Variants in ADAMTS16 observed in about 807,000 individuals in gnomAD.
The protein encoded by ADAMTS16 is ADAM metallopeptidase with thrombospondin type 1 motif 16.
In ADAMTS16, 94 loss-of-function variants were observed where a neutral mutation model predicts 145.8. That is an observed-to-expected ratio of 0.64 (90% CI 0.55 to 0.77). The LOEUF is 0.77. ADAMTS16 is among the 30% of genes least tolerant of loss of function. The pLI is 0.00. For missense variants in ADAMTS16, 1,585 were observed against 1,591.5 expected (o/e 1.00, Z 0.07); for synonymous variants, 659 against 604.3 (o/e 1.09, Z -1.33).
chr5:5,187,856 A>G, intron 6 of ADAMTS16, 48 bp downstream of exon 6: 1 of 1,217,076 alleles, frequency 8.2e-7, no homozygotes, highest in Non-Finnish European at 1.2e-6. Context: ...TAGAAAAATA[A>G]ATGCAAAATA....
intron 17 of ADAMTS16, 46 bp from the exon 18 acceptor site, chr5:5,262,611 G>A: frequency 6.3e-7 from 1 of 1,587,144 alleles, no homozygotes. Context: ...TTTTACTGTG[G>A]GGCATGCATG....
chr5:5,186,029 GCCCTCCATGTGT>G lies in ADAMTS16; in HGVS notation c.764-14_764-3del, dbSNP rs1285416061. The G allele has an allele frequency of 3.1e-6, 5 of 1,592,700 alleles. No individual in the cohort carries two copies. The African/African-American group carries it at 4.0e-5, about 13-fold the overall frequency. The stretch of plus-strand genomic sequence containing the variant: ...TTGTGTGTGACTTGTGCTTCCATTT[GCCCTCCATGTGT>G]CCCTCCATAGACATGCCCCAGCCTC... On this transcript the variant is annotated splice_polypyrimidine_tract_variant and intron_variant, in intron 4 of 22. Coordinates refer to ENST00000274181, the MANE Select transcript of ADAMTS16 (RefSeq NM_139056.4).
At chr5:5,243,303 C>A (rs1737352571) in intron 17 of ADAMTS16, among the ~76,000 whole-genome samples, 1 of 152,204 alleles carries the variant, frequency 6.6e-6, no homozygotes, top group South Asian at 2.1e-4. Flanking sequence ...AACATGACTA[C>A]CTTCTGCACA....
At chr5:5,300,099 T>C (rs1443744454) in intron 18 of ADAMTS16, among the ~76,000 whole-genome samples, 1 of 152,142 alleles carries the variant, frequency 6.6e-6, no homozygotes, top group Non-Finnish European at 1.5e-5. Context: ...AGTTGGAACG[T>C]CTTAAGATGG....
intron 3 of ADAMTS16, among the ~76,000 whole-genome samples, chr5:5,167,718 T>C (rs1734920783): frequency 6.6e-6 from 1 of 152,220 alleles, no homozygotes; most frequent in African/African-American, 2.4e-5. Context: ...CAAAGATGTG[T>C]TAATTACCCA....
Position 5,319,632 on chromosome 5 carries a change from C to T in ADAMTS16, c.*494C>T. On this transcript the variant is annotated 3_prime_UTR_variant, in exon 23 of 23. Transcript: ENST00000274181. Reference sequence around the variant, plus strand: ...AGTGACCAACTTCCTGGGTGGAGGTCAGGGGAGCTCCAGGAGGCTGCCCAG... The same window carrying T: ...AGTGACCAACTTCCTGGGTGGAGGTTAGGGGAGCTCCAGGAGGCTGCCCAG... The T allele has an allele frequency of 2.9e-6, 1 of 343,028 alleles. No homozygotes were observed. Among genetic ancestry groups the T allele is most frequent in the South Asian group, 2.3e-5 (1 of 43,150 alleles). 21.2% of individuals were successfully genotyped at this position (343,028 alleles called of 1,614,324 possible).
chr5:5,144,764 C>A (rs939942036), intron 2 of ADAMTS16, among the ~76,000 whole-genome samples: 9 of 152,206 alleles, frequency 5.9e-5, no homozygotes, highest in East Asian at 5.8e-4. Flanking sequence ...CTCCTGCCAC[C>A]TGTCCCACCC....
chr5:5,146,208 G>C lies in ADAMTS16; in HGVS notation c.254G>C (p.Arg85Pro). The C allele has an allele frequency of 6.2e-7, 1 of 1,614,178 alleles. No homozygotes were observed. The highest frequency in any genetic ancestry group is 8.5e-7 in the Non-Finnish European group (1 of 1,180,030). ...VSHEIMHHQR[R>P]RRAVPVSEVE... ...CATGAAATCATGCACCATCAGCGGC[G>C]GAGAAGAGCAGTGCCCGTGTCCGAG... Residue 85 changes from arginine (R) to proline (P), a missense_variant, in exon 3 of 23, where the codon CGG (arginine) becomes CCG (proline). This residue lies in a region of ADAMTS16 where 453 missense variants were observed against 412.1 expected (regional missense o/e 1.10). Coordinates refer to ENST00000274181, the MANE Select transcript of ADAMTS16 (RefSeq NM_139056.4).
At chr5:5,240,890 G>C (rs541905267) in intron 16 of ADAMTS16, among the ~76,000 whole-genome samples, 1 of 151,868 alleles carries the variant, frequency 6.6e-6, no homozygotes, top group East Asian at 1.9e-4. Flanking sequence ...CCTTGATCAC[G>C]TCTCCCACCA....
intron 18 of ADAMTS16, among the ~76,000 whole-genome samples, chr5:5,288,370 C>G (rs1231310830): frequency 6.6e-6 from 1 of 152,128 alleles, no homozygotes; most frequent in Non-Finnish European, 1.5e-5. Context: ...GTAGGCTTTC[C>G]CTAGAATGCC....
At chr5:5,252,376 A>C (rs115481386) in intron 17 of ADAMTS16, among the ~76,000 whole-genome samples, 2,868 of 152,272 alleles carry the variant, frequency 0.019, 76 homozygotes, top group African/African-American at 0.062. Flanking sequence ...TTTTAAGGAA[A>C]ACAATAATTC....
chr5:5,179,344 G>C (rs967619403), intron 3 of ADAMTS16, among the ~76,000 whole-genome samples: 1 of 151,958 alleles, frequency 6.6e-6, no homozygotes, highest in Non-Finnish European at 1.5e-5. Context: ...TCTTCTGAGG[G>C]GGGGTTTGAA....
At chr5:5,208,537 T>C (rs1736189879) in intron 9 of ADAMTS16, among the ~76,000 whole-genome samples, 1 of 152,180 alleles carries the variant, frequency 6.6e-6, no homozygotes, top group African/African-American at 2.4e-5. Flanking sequence ...TCTGCTTGAC[T>C]TGGGGGTCAT....
chr5:5,186,179 G>T lies in ADAMTS16; in HGVS notation c.891G>T (p.Val297=). ...AACTGAACGTGGAGACCTTGGTGGT[G>T]GTCGACAAAAAGATGATGCAAAACC... is the stretch of plus-strand genomic sequence containing the variant. ...NEELNVETLV[V]VDKKMMQNHG... is the part of the protein sequence containing the mutation. The change falls in exon 5 of 23, where the codon GTG becomes GTT. Residue 297 remains valine, a synonymous_variant. Coordinates refer to ENST00000274181, the MANE Select transcript of ADAMTS16 (RefSeq NM_139056.4). 6.2e-7 allele frequency: 1 copy of T among 1,613,198 alleles called. No individual in the cohort carries two copies. Among genetic ancestry groups the T allele is most frequent in the Non-Finnish European group, 8.5e-7 (1 of 1,179,802 alleles).
rs542776088 is a variant in ADAMTS16 at position 5,301,006 on chromosome 5, A to G, written c.2790-2262A>G. On this transcript the variant is annotated intron_variant, in intron 18 of 22. Coordinates refer to ENST00000274181, the MANE Select transcript of ADAMTS16 (RefSeq NM_139056.4). ...TTAGAGACACTCAAATGTGTTTATA[A>G]AGGCTTTGAAGTATAAGAAAAACAC... is the stretch of plus-strand genomic sequence containing the variant. Among the ~76,000 whole-genome samples the G allele has an allele frequency of 1.1e-4, 17 of 152,294 alleles. No individual in the cohort carries two copies. In the South Asian group the frequency reaches 3.5e-3, roughly 32 times the overall value.
At chr5:5,207,120 A>G (rs1579310872) in intron 9 of ADAMTS16, among the ~76,000 whole-genome samples, 1 of 152,308 alleles carries the variant, frequency 6.6e-6, no homozygotes, top group East Asian at 1.9e-4. Flanking sequence ...ATTGCAATGA[A>G]GCTATAGATT....
At chr5:5,160,402 T>G (rs1470793540) in intron 3 of ADAMTS16, among the ~76,000 whole-genome samples, 1 of 152,196 alleles carries the variant, frequency 6.6e-6, no homozygotes, top group East Asian at 1.9e-4. Context: ...GGTGGGCTCA[T>G]GCAGTCTAGT....
chr5:5,150,926 T>C (rs1346851510), intron 3 of ADAMTS16, among the ~76,000 whole-genome samples: 1 of 152,232 alleles, frequency 6.6e-6, no homozygotes, highest in Non-Finnish European at 1.5e-5. Flanking sequence ...TTAGTATGTA[T>C]ATTTTGGTAT....
At chr5:5,247,766 C>T (rs192317908) in intron 17 of ADAMTS16, among the ~76,000 whole-genome samples, 1 of 152,352 alleles carries the variant, frequency 6.6e-6, no homozygotes, top group East Asian at 1.9e-4. Flanking sequence ...TTGCCATTGA[C>T]AAGTCAAGGC....
Sources: allele counts gnomAD v4.1 joint callset (sites outside exome capture counted in the v4.1 genomes callset), GRCh38; gene constraint gnomAD v4.1.1; regional missense constraint gnomAD v4.1.1; transcripts MANE v1.5; gene names NCBI Gene and HGNC (gene_info 2026-07-23, HGNC 2026-07-21).